The following GARRE1 variants were observed in gnomAD, a reference collection of about 807,000 sequenced individuals.
GARRE1 encodes the protein granule associated Rac and RHOG effector 1.
In GARRE1, 49 loss-of-function variants were observed where a neutral mutation model predicts 103.2. The observed-to-expected ratio is 0.47, with a 90% CI of 0.38 to 0.60. The LOEUF (loss-of-function observed/expected upper bound fraction) is 0.60, where lower values mean the gene tolerates loss of function less well. GARRE1 is among the 20% of genes least tolerant of loss of function. GARRE1 has a pLI of 0.00. For synonymous variants in GARRE1, 505 were observed against 532.8 expected, an observed-to-expected ratio of 0.95 and a Z score of 0.72; for missense variants, 1,199 against 1,370.5, an observed-to-expected ratio of 0.87 and a Z score of 1.98.
In GARRE1 at chr19:34,327,534, G is replaced by A. The variant is rs138311251; in HGVS notation, c.819G>A (p.Leu273=). The change falls in exon 4 of 14, where the codon CTG becomes CTA. Residue 273 remains leucine (L), a synonymous_variant. Transcript: ENST00000299505. ...AAIPEHQLKE[L]NIKIDSALQA... ...TTCCTGAGCACCAGCTAAAAGAACT[G>A]AACATAAAAATCGACAGTGCTTTGC... 1.7e-4 allele frequency: 276 copies of A among 1,613,924 alleles called. 2 individuals carry two copies. In the East Asian group the frequency reaches 4.9e-3, roughly 29 times the overall value.
intron 3 of GARRE1, among the ~76,000 whole-genome samples, chr19:34,320,366 G>C (rs539887735): frequency 1.3e-5 from 2 of 152,334 alleles, no homozygotes; most frequent in East Asian, 3.9e-4. Flanking sequence ...CAAAAACAGG[G>C]CTAAGGGGCC....
chr19:34,345,496 C>G (rs2074206795), intron 10 of GARRE1, among the ~76,000 whole-genome samples: 1 of 152,156 alleles, frequency 6.6e-6, no homozygotes, highest in Non-Finnish European at 1.5e-5. Context: ...ATAACTAAAT[C>G]CAGAGTATAA....
chr19:34,293,782 G>A (rs1296915642), intron 1 of GARRE1, among the ~76,000 whole-genome samples: 3 of 80,350 alleles, frequency 3.7e-5, no homozygotes, highest in Non-Finnish European at 6.6e-5. Flanking sequence ...TTTTTGAGAC[G>A]GAGCCTTACT....
chr19:34,341,610 C>T lies in GARRE1; in HGVS notation c.1676C>T (p.Ser559Phe), dbSNP rs1025947438. ...CTSSSSSTNY[S>F]IQNTPSKNIF... ...AGCTCCAGCAGCAGCACAAATTATT[C>T]CATCCAAAATACCCCTTCCAAAAAC... Residue 559 changes from serine (S) to phenylalanine (F), a missense_variant, in exon 10 of 14, where the codon TCC becomes TTC. Transcript: ENST00000299505. 1 of 1,614,178 alleles carries T rather than the reference C, an allele frequency of 6.2e-7. No homozygotes were observed. Among genetic ancestry groups the T allele is most frequent in the Non-Finnish European group, 8.5e-7 (1 of 1,180,034 alleles).
chr19:34,273,519 C>G (rs1293129731), intron 1 of GARRE1, among the ~76,000 whole-genome samples: 1 of 152,168 alleles, frequency 6.6e-6, no homozygotes, highest in South Asian at 2.1e-4. Flanking sequence ...TGAGGACAAA[C>G]TAATAATTCA....
chr19:34,311,002 G>GC (rs551823611), intron 2 of GARRE1, among the ~76,000 whole-genome samples: 87 of 147,542 alleles, frequency 5.9e-4, no homozygotes, highest in Admixed American at 2.0e-3. Context: ...TTCTGCCCCC[G>GC]CCCCCCCGCA....
At chr19:34,330,460 G>A in intron 7 of GARRE1, 113 bp downstream of exon 7, 1 of 1,119,636 alleles carries the variant, frequency 8.9e-7, no homozygotes, top group Non-Finnish European at 1.3e-6. Flanking sequence ...AAGTTATTTG[G>A]TGCTGTGGAA....
chr19:34,293,735 C>T (rs2073930954), intron 1 of GARRE1, among the ~76,000 whole-genome samples: 1 of 135,612 alleles, frequency 7.4e-6, no homozygotes, highest in African/African-American at 2.9e-5. Flanking sequence ...CACACACACA[C>T]ACACACACAT....
At chr19:34,331,209 AAAG>A (rs1324842073) in intron 7 of GARRE1, among the ~76,000 whole-genome samples, 34 of 140,396 alleles carry the variant, frequency 2.4e-4, no homozygotes, top group Admixed American at 4.1e-4. Context: ...CTTAAAAAAA[AAAG>A]AAAAAAACAT....
intron 8 of GARRE1, 81 bp downstream of exon 8, chr19:34,333,882 C>G: frequency 1.1e-6 from 1 of 884,698 alleles, no homozygotes; most frequent in Non-Finnish European, 1.9e-6. Flanking sequence ...TTGTTTTGAA[C>G]AATGCCCATG....
Position 34,327,796 on chromosome 19 carries a change from T to C in GARRE1, c.872T>C (p.Leu291Ser). 6.2e-7 allele frequency: 1 copy of C among 1,614,174 alleles called. No individual in the cohort carries two copies. Among genetic ancestry groups the C allele is most frequent in the Non-Finnish European group, 8.5e-7 (1 of 1,179,984 alleles). Residue 291 changes from leucine (L) to serine (S), a missense_variant, in exon 5 of 14, where the codon TTA becomes TCA. Physicochemically the swap from Leu to Ser is moderately radical, Grantham distance 145. Coordinates refer to ENST00000299505, the MANE Select transcript of GARRE1 (RefSeq NM_014686.5). ...GCATATAAGATAGCTCTGGAAAGCT[T>C]AGGACACTGTGAATATGCAATGAAA... is the stretch of plus-strand genomic sequence containing the variant. ...LQAYKIALESLGHCEYAMKAG... is the reference protein window; with the variant it reads ...LQAYKIALESSGHCEYAMKAG...
At chr19:34,263,303 T>TAGATAGATAC (rs1568521181) in intron 1 of GARRE1, among the ~76,000 whole-genome samples, 1 of 125,052 alleles carries the variant, frequency 8.0e-6, no homozygotes, top group African/African-American at 2.9e-5. Context: ...TAGATAGATA[T>TAGATAGATAC]ACATGAAATA....
chr19:34,278,576 T>G (rs2073831964), intron 1 of GARRE1, among the ~76,000 whole-genome samples: 1 of 151,934 alleles, frequency 6.6e-6, no homozygotes, highest in Non-Finnish European at 1.5e-5. Flanking sequence ...AGGCACCCCA[T>G]ATATATGGAA....
chr19:34,293,818 G>C lies in GARRE1; in HGVS notation c.-795-5861G>C, dbSNP rs369301589. ...CTGTCACCCAGGCTGGAGTGCAGTG[G>C]TGCGATCTCAGCTCACTGCAACCTC... is the stretch of plus-strand genomic sequence containing the variant. On this transcript the variant is annotated intron_variant, in intron 1 of 13. Transcript: ENST00000299505. 2.6e-3 allele frequency among the ~76,000 whole-genome samples: 358 copies of C among 139,760 alleles called. 2 individuals are homozygous for C. Among genetic ancestry groups the C allele is most frequent in the Admixed American group, 4.9e-3 (64 of 13,082 alleles). The allele number at this position is 139,760 out of a possible 152,430, so 91.7% of individuals were successfully genotyped here. A position where few individuals can be genotyped will look rare whatever the true frequency, so the allele number is the denominator to read the frequency against.
intron 9 of GARRE1, 89 bp downstream of exon 9, chr19:34,340,081 C>A: frequency 7.1e-7 from 1 of 1,399,812 alleles, no homozygotes; most frequent in Non-Finnish European, 1.0e-6. Context: ...TGATAGTATA[C>A]GGTATTGTAA....
At chr19:34,286,278 G>A (rs1481564822) in intron 1 of GARRE1, among the ~76,000 whole-genome samples, 1 of 152,174 alleles carries the variant, frequency 6.6e-6, no homozygotes, top group East Asian at 1.9e-4. Context: ...GGAGTGCAGT[G>A]GCATGATTTC....
At chr19:34,329,684 A>C (rs986797748) in intron 6 of GARRE1, among the ~76,000 whole-genome samples, 4 of 152,110 alleles carry the variant, frequency 2.6e-5, no homozygotes, top group African/African-American at 9.7e-5. Context: ...AAAAATACAA[A>C]AATTAGCTGG....
intron 1 of GARRE1, among the ~76,000 whole-genome samples, chr19:34,258,678 T>C (rs1295505126): frequency 1.3e-5 from 2 of 152,004 alleles, no homozygotes; most frequent in South Asian, 2.1e-4. Flanking sequence ...TAGTCCCAGC[T>C]ACTCAGGAGG....
At chr19:34,255,937 G>T (rs2073669531) in intron 1 of GARRE1, among the ~76,000 whole-genome samples, 1 of 151,848 alleles carries the variant, frequency 6.6e-6, no homozygotes, top group South Asian at 2.1e-4. Flanking sequence ...AGCCTCCCGG[G>T]TTCGAGCGAT....
Sources: gnomAD v4.1 joint callset for allele counts (sites outside exome capture counted in the v4.1 genomes callset) on GRCh38, gnomAD v4.1.1 for gene constraint, MANE v1.5 for transcripts, NCBI Gene and HGNC (gene_info 2026-07-23, HGNC 2026-07-21) for gene names.